SEMA6D: variants seen among roughly 807,000 people sequenced by gnomAD.
SEMA6D encodes semaphorin-6D.
In SEMA6D, 35 loss-of-function variants were observed where a neutral mutation model predicts 106.6. The ratio of observed to expected loss-of-function variants is 0.33; its 90% CI spans 0.25 to 0.44. SEMA6D has a LOEUF of 0.44. Ranked by LOEUF, SEMA6D falls within the 20% of genes least tolerant of loss-of-function variation. The pLI is 1.00. For synonymous variants in SEMA6D, 499 were observed against 487.7 expected, an observed-to-expected ratio of 1.02 and a Z score of -0.31; for missense variants, 1,185 against 1,345.9, an observed-to-expected ratio of 0.88 and a Z score of 1.87.
At chr15:47,294,240 C>CT (rs906152450) in intron 1 of SEMA6D, among the ~76,000 whole-genome samples, 14 of 148,162 alleles carry the variant, frequency 9.4e-5, no homozygotes, top group Admixed American at 1.4e-4. Context: ...CTCTCTCTCT[C>CT]TTTTTTTTTT....
At chr15:47,645,323 C>T (rs76001901) in intron 4 of SEMA6D, among the ~76,000 whole-genome samples, 8,416 of 152,204 alleles carry the variant, frequency 0.055, 793 homozygotes, top group African/African-American at 0.19. Flanking sequence ...TTTTATAAAA[C>T]GTTTAGGAAA....
intron 3 of SEMA6D, among the ~76,000 whole-genome samples, chr15:47,540,286 A>G (rs933432866): frequency 1.3e-5 from 2 of 152,158 alleles, no homozygotes; most frequent in Non-Finnish European, 2.9e-5. Context: ...AGAAAGACCT[A>G]CTTTAAACAG....
At position 47,364,455 on chromosome 15, in the gene SEMA6D, C is replaced by T. The variant is rs1325313563; in HGVS notation, c.-238-47938C>T. On this transcript the variant is annotated intron_variant, in intron 1 of 19. Transcript: ENST00000558014. Reference sequence around the variant, plus strand: ...AATTTTTAGTTCAAATAGGCTAGCTCCAGGGACCTGCTCAGGGTCAACATG... The same window carrying T: ...AATTTTTAGTTCAAATAGGCTAGCTTCAGGGACCTGCTCAGGGTCAACATG... 2.0e-5 allele frequency among the ~76,000 whole-genome samples: 3 copies of T among 152,136 alleles called. No individual in the cohort carries two copies. The East Asian group carries it at 5.8e-4, about 29-fold the overall frequency.
intron 1 of SEMA6D, among the ~76,000 whole-genome samples, chr15:47,727,743 G>A (rs569980526): frequency 4.0e-5 from 6 of 148,408 alleles, no homozygotes; most frequent in Admixed American, 6.9e-5. Flanking sequence ...TCTGCTGACC[G>A]GCCTATATCA....
At chr15:47,393,893 A>C (rs149056659) in intron 1 of SEMA6D, among the ~76,000 whole-genome samples, 3 of 152,292 alleles carry the variant, frequency 2.0e-5, no homozygotes, top group African/African-American at 7.2e-5. Context: ...CCGCACTGGC[A>C]TGTTATATAA....
At chr15:47,416,596 C>T (rs2040976069) in intron 2 of SEMA6D, among the ~76,000 whole-genome samples, 1 of 152,120 alleles carries the variant, frequency 6.6e-6, no homozygotes, top group African/African-American at 2.4e-5. Flanking sequence ...TCTATTATTT[C>T]TAGCATTTCC....
At chr15:47,717,444 G>A (rs948923020), upstream of SEMA6D, 2 of 152,226 alleles carry the variant, frequency 1.3e-5, no homozygotes, top group Admixed American at 6.5e-5. Context: ...CTGATGGATT[G>A]ACTTGGAGAT....
intron 1 of SEMA6D, among the ~76,000 whole-genome samples, chr15:47,731,528 C>G (rs1160464515): frequency 1.3e-5 from 2 of 152,138 alleles, no homozygotes; most frequent in Admixed American, 1.3e-4. Context: ...TGAGCATGGT[C>G]TTTGTACAGG....
At chr15:47,348,723 CACACAGAGAGAGAGAGAGAGAG>C (rs1333146370) in intron 1 of SEMA6D, among the ~76,000 whole-genome samples, 1,464 of 45,634 alleles carry the variant, frequency 0.032, 18 homozygotes, top group Non-Finnish European at 0.048. Context: ...ACACACCACA[CACACAGAGAGAGAGAGAGAGAG>C]AGAGAGAGAG....
intron 1 of SEMA6D, chr15:47,730,732 A>G: frequency 9.4e-6 from 15 of 1,603,786 alleles, no homozygotes; most frequent in Non-Finnish European, 1.3e-5. Flanking sequence ...CTTATAGAGT[A>G]TAGCTCTCTG....
chr15:47,593,619 T>C (rs892343584), intron 3 of SEMA6D, among the ~76,000 whole-genome samples: 1 of 151,758 alleles, frequency 6.6e-6, no homozygotes, highest in African/African-American at 2.4e-5. Flanking sequence ...TGAAGTGGTA[T>C]GTTAGTCTGT....
At chr15:47,281,143 T>C (rs1476481622) in intron 1 of SEMA6D, among the ~76,000 whole-genome samples, 1 of 113,136 alleles carries the variant, frequency 8.8e-6, no homozygotes, top group African/African-American at 3.3e-5. Flanking sequence ...AAGTCTCCCA[T>C]TACTAATGTG....
chr15:47,248,819 A>G lies in SEMA6D; in HGVS notation c.-239+64401A>G, dbSNP rs532936115. Among the ~76,000 whole-genome samples the G allele has an allele frequency of 2.6e-5, 4 of 152,282 alleles. No individual in the cohort carries two copies. In the South Asian group the frequency reaches 8.3e-4, roughly 32 times the overall value. ...CTGGGCATCCTATCACTTCTCTTGG[A>G]GCATTTTGGCTGGCTTTGGCTTTAG... On this transcript the variant is annotated intron_variant, in intron 1 of 19. Coordinates refer to the SEMA6D transcript ENST00000558014.
chr15:47,569,346 G>C (rs1302727976), intron 3 of SEMA6D, among the ~76,000 whole-genome samples: 2 of 152,074 alleles, frequency 1.3e-5, no homozygotes. Flanking sequence ...AATCATGCAA[G>C]TTTCTAGGGG....
At chr15:47,412,189 A>G (rs1444431172) in intron 1 of SEMA6D, among the ~76,000 whole-genome samples, 1 of 152,080 alleles carries the variant, frequency 6.6e-6, no homozygotes, top group Non-Finnish European at 1.5e-5. Flanking sequence ...AGAGATCAAT[A>G]ATCAGTCTCA....
chr15:47,715,152 T>A (rs145498824), upstream of SEMA6D, among the ~76,000 whole-genome samples: 409 of 152,202 alleles, frequency 2.7e-3, no homozygotes, highest in African/African-American at 9.4e-3. Flanking sequence ...AATATGGGGA[T>A]GGAGTACCCA....
At chr15:47,280,088 T>A (rs2035040301) in intron 1 of SEMA6D, among the ~76,000 whole-genome samples, 1 of 151,918 alleles carries the variant, frequency 6.6e-6, no homozygotes, top group African/African-American at 2.4e-5. Flanking sequence ...ATTGGAATAG[T>A]TTCAGAAGGA....
At chr15:47,556,436 G>A (rs879434050) in intron 3 of SEMA6D, among the ~76,000 whole-genome samples, 1 of 152,102 alleles carries the variant, frequency 6.6e-6, no homozygotes, top group Non-Finnish European at 1.5e-5. Context: ...AAATTTTTCT[G>A]AGAACGCTTG....
intron 1 of SEMA6D, among the ~76,000 whole-genome samples, chr15:47,392,030 A>T (rs981291003): frequency 1.3e-5 from 2 of 152,096 alleles, no homozygotes; most frequent in African/African-American, 2.4e-5. Context: ...CCAGTTTTTT[A>T]AAAAACTGTA....
Sources: allele counts gnomAD v4.1 joint callset (sites outside exome capture counted in the v4.1 genomes callset), GRCh38; gene constraint gnomAD v4.1.1; transcripts MANE v1.5; gene names NCBI Gene and HGNC (gene_info 2026-07-23, HGNC 2026-07-21).